NLRP12: variants seen among roughly 807,000 people sequenced by gnomAD.
NLRP12 encodes the protein NLR family pyrin domain containing 12.
In NLRP12, 108 loss-of-function variants were observed where a neutral mutation model predicts 91.2. The observed-to-expected ratio is 1.18, with a 90% CI of 1.01 to 1.39. The LOEUF (loss-of-function observed/expected upper bound fraction) is 1.39. Among genes scored for constraint, NLRP12 ranks in the 40% most tolerant of loss-of-function variants. The probability of loss-of-function intolerance (pLI) is 0.00; values close to 1 mark genes in which losing one functional copy is unlikely to be tolerated. For missense variants in NLRP12, 1,530 were observed against 1,352.7 expected, an observed-to-expected ratio of 1.13 and a Z score of -2.06; for synonymous variants, 613 against 566.7, an observed-to-expected ratio of 1.08 and a Z score of -1.16.
In NLRP12 at chr19:53,801,273, G is replaced by A. The variant is rs1420357536; in HGVS notation, c.2710C>T (p.Leu904=). The A allele has an allele frequency of 6.2e-7, 1 of 1,613,824 alleles. No individual in the cohort carries two copies. Residue 904 remains leucine, a synonymous_variant, in exon 7 of 10, where the codon CTG becomes TTG. Transcript: ENST00000324134. ...GTGGGATGCCTGAGGCCCTCACACA[G>A]CAGCAGCACCCCGAGGTCCCCCAGC... The part of the protein sequence containing the change: ...NELGDLGVLL[L]CEGLRHPTCK...
At chr19:53,819,565 A>ACGTC (rs2092228520) in intron 1 of NLRP12, among the ~76,000 whole-genome samples, 1 of 92,314 alleles carries the variant, frequency 1.1e-5, no homozygotes, top group African/African-American at 3.9e-5. Context: ...GTATACGTAT[A>ACGTC]TATATGCGTA....
intron 1 of NLRP12, among the ~76,000 whole-genome samples, chr19:53,822,015 G>T (rs988956721): frequency 3.3e-5 from 5 of 152,148 alleles, no homozygotes; most frequent in African/African-American, 1.2e-4. Context: ...GAAAACCAAA[G>T]ACTGCATGTT....
chr19:53,822,346 G>C (rs530014839), intron 1 of NLRP12, among the ~76,000 whole-genome samples: 1 of 152,144 alleles, frequency 6.6e-6, no homozygotes, highest in South Asian at 2.1e-4. Context: ...GCCAGGCAGT[G>C]GTCATTCATG....
chr19:53,820,198 T>C (rs889129416), intron 1 of NLRP12, among the ~76,000 whole-genome samples: 2 of 152,054 alleles, frequency 1.3e-5, no homozygotes, highest in Non-Finnish European at 2.9e-5. Context: ...AAGGCGTCCA[T>C]GTCACAGTAG....
intron 1 of NLRP12, among the ~76,000 whole-genome samples, chr19:53,820,928 A>G (rs1568698672): frequency 6.6e-6 from 1 of 152,008 alleles, no homozygotes; most frequent in Non-Finnish European, 1.5e-5. Flanking sequence ...CACTTCAGCA[A>G]TAGCCTATAT....
chr19:53,794,666 A>ATT (rs74209618), intron 9 of NLRP12, among the ~76,000 whole-genome samples: 14 of 133,662 alleles, frequency 1.0e-4, no homozygotes, highest in South Asian at 5.0e-4. Flanking sequence ...TATGTTCTCC[A>ATT]TTTTTTTTTT....
intron 2 of NLRP12, among the ~76,000 whole-genome samples, chr19:53,813,619 C>T (rs1028580933): frequency 6.6e-6 from 1 of 151,064 alleles, no homozygotes; most frequent in African/African-American, 2.4e-5. Context: ...TGCTGTTCTA[C>T]TTTCCGCCTC....
In NLRP12 at chr19:53,794,104, T is replaced by TG. The variant is rs1379460771; in HGVS notation, c.3130dup (p.His1044ProfsTer3). ...TACTCGAAGCGCTGCCAACCTACTG[T>TG]GGGTCATTTTATTCAGGTCCATCCC... On this transcript the variant is annotated frameshift_variant, in exon 10 of 10. Transcript: ENST00000324134. LOFTEE classifies it low-confidence loss of function (END_TRUNC). The TG allele has an allele frequency of 6.2e-7, 1 of 1,613,962 alleles. No individual in the cohort carries two copies. Among genetic ancestry groups the TG allele is most frequent in the Admixed American group, 1.7e-5 (1 of 59,998 alleles).
rs758248332 is a variant in NLRP12, at chr19:53,809,756, C to T, written c.1903G>A (p.Val635Met). 2 of 1,614,142 alleles carry T rather than the reference C, an allele frequency of 1.2e-6. No homozygotes were observed. Among genetic ancestry groups the T allele is most frequent in the Non-Finnish European group, 1.7e-6 (2 of 1,180,030 alleles). ...GAGGCAATGTTGCTGACCACGATCA[C>T]CTGGAAGTGGCTCAGGGCCTGCTGG... ...FIQQALSHFQ[V>M]IVVSNIASKM... The change falls in exon 3 of 10, where the codon GTG (valine) becomes ATG (methionine). Residue 635 changes from valine to methionine, a missense_variant. Physicochemically the swap from Val to Met is conservative, Grantham distance 21 (BLOSUM62 1). Transcript: ENST00000324134.
rs554117686 is a variant in NLRP12, at chr19:53,803,676, T to G, written c.2585+276A>C. 10 of 413,300 alleles carry G rather than the reference T, an allele frequency of 2.4e-5. No individual in the cohort carries two copies. The East Asian group carries it at 5.8e-4, about 24-fold the overall frequency. 25.6% of individuals were successfully genotyped at this position (413,300 alleles called of 1,614,324 possible). ...GCAACTTCCGCCTCTCAGGTTCAAG[T>G]GATCCTCCTGCCTCAGCCCCCTGAG... On this transcript the variant is annotated intron_variant, in intron 6 of 9. Coordinates refer to ENST00000324134, the MANE Select transcript of NLRP12 (RefSeq NM_144687.4).
At chr19:53,811,584 T>A (rs1486825521) in intron 2 of NLRP12, among the ~76,000 whole-genome samples, 2 of 151,970 alleles carry the variant, frequency 1.3e-5, no homozygotes, top group East Asian at 3.9e-4. Flanking sequence ...GCTAATTTTT[T>A]TTTTTTTTAG....
In NLRP12 at chr19:53,811,201, A is replaced by AG. The variant is rs776168456; in HGVS notation, c.457dup (p.Leu153ProfsTer40). 4 of 1,613,908 alleles carry AG rather than the reference A, an allele frequency of 2.5e-6. No individual in the cohort carries two copies. In the South Asian group the frequency reaches 4.4e-5, roughly 18 times the overall value. On this transcript the variant is annotated frameshift_variant, in exon 3 of 10. Coordinates refer to ENST00000324134, the MANE Select transcript of NLRP12 (RefSeq NM_144687.4). LOFTEE classifies it high-confidence loss of function. The stretch of plus-strand genomic sequence containing the variant: ...CAGGAGCCGGGTGTACCGGTGGCTG[A>AG]GGTTGACACATTCCCCTAGGCGCGC...
chr19:53,814,999 A>G lies in NLRP12; in HGVS notation c.290-11T>C. The stretch of plus-strand genomic sequence containing the variant: ...CACCAGGTGGGGTATCTGGAAGAGA[A>G]ATTGTGGAAGATGAGCTAGCACGCA... On this transcript the variant is annotated splice_polypyrimidine_tract_variant and intron_variant, in intron 1 of 9. Transcript: ENST00000324134. 1 of 1,607,172 alleles carries G rather than the reference A, an allele frequency of 6.2e-7. No individual in the cohort carries two copies. Among genetic ancestry groups the G allele is most frequent in the Non-Finnish European group, 8.5e-7 (1 of 1,173,654 alleles).
At position 53,810,174 on chromosome 19, in the gene NLRP12, G is replaced by C. The variant is rs757987571; in HGVS notation, c.1485C>G (p.Leu495=). The C allele has an allele frequency of 6.2e-7, 1 of 1,614,068 alleles. No homozygotes were observed. The highest frequency in any genetic ancestry group is 1.3e-5 in the African/African-American group (1 of 74,920). ...TGTCCTTCTGGAAGATGTTCATGTTGAGGAAGGCAGAGACGTCTTCCCCGT... is the reference window on the plus strand; with the variant it reads ...TGTCCTTCTGGAAGATGTTCATGTTCAGGAAGGCAGAGACGTCTTCCCCGT... ...GLDGEDVSAF[L]NMNIFQKDIN... The change falls in exon 3 of 10, where the codon CTC becomes CTG. Residue 495 remains leucine, a synonymous_variant. Coordinates refer to ENST00000324134, the MANE Select transcript of NLRP12 (RefSeq NM_144687.4).
chr19:53,810,828 C>A lies in NLRP12; in HGVS notation c.831G>T (p.Ala277=), dbSNP rs371391087. 8.7e-6 allele frequency: 14 copies of A among 1,614,076 alleles called. No homozygotes were observed. Among genetic ancestry groups the A allele is most frequent in the Admixed American group, 1.7e-5 (1 of 59,996 alleles). Residue 277 remains alanine (A), a synonymous_variant, in exon 3 of 10, where the codon GCG becomes GCT. Coordinates refer to ENST00000324134, the MANE Select transcript of NLRP12 (RefSeq NM_144687.4). ...LIFSCWPEPS[A]PLQELIRVPE... is the part of the protein sequence containing the mutation. Reference sequence around the variant, plus strand: ...GAACTCGGATGAGCTCCTGGAGAGGCGCGCTGGGCTCAGGCCAGCAGCTGA... The same window carrying A: ...GAACTCGGATGAGCTCCTGGAGAGGAGCGCTGGGCTCAGGCCAGCAGCTGA...
At chr19:53,803,443 G>C (rs953107409) in intron 6 of NLRP12, among the ~76,000 whole-genome samples, 1 of 151,944 alleles carries the variant, frequency 6.6e-6, no homozygotes, top group Non-Finnish European at 1.5e-5. Context: ...GCCTCCCAAA[G>C]TGCTGGGATT....
At chr19:53,805,151 C>G (rs772330781) in intron 5 of NLRP12, 129 bp downstream of exon 5, 8 of 953,114 alleles carry the variant, frequency 8.4e-6, no homozygotes, top group Admixed American at 5.9e-5. Context: ...GGGCCAGGGT[C>G]TTAGGTCATG....
At chr19:53,809,020 G>A (rs2092007963) in intron 3 of NLRP12, among the ~76,000 whole-genome samples, 1 of 151,972 alleles carries the variant, frequency 6.6e-6, no homozygotes, top group African/African-American at 2.4e-5. Flanking sequence ...GAGGTCAGGA[G>A]TTCAAGACCA....
At chr19:53,802,100 G>A (rs2091885143) in intron 6 of NLRP12, among the ~76,000 whole-genome samples, 1 of 151,788 alleles carries the variant, frequency 6.6e-6, no homozygotes, top group Non-Finnish European at 1.5e-5. Context: ...GGTGGCGCAT[G>A]CCTGTAATCC....
Sources: allele counts gnomAD v4.1 joint callset (sites outside exome capture counted in the v4.1 genomes callset), GRCh38; gene constraint gnomAD v4.1.1; transcripts MANE v1.5; gene names NCBI Gene and HGNC (gene_info 2026-07-23, HGNC 2026-07-21).